Variants in MME observed in about 807,000 individuals in gnomAD.
MME encodes neprilysin.
MME carries 98 observed loss-of-function variants against 113.2 expected under a neutral mutation model. The observed-to-expected ratio is 0.87, with a 90% CI of 0.74 to 1.02. The LOEUF (loss-of-function observed/expected upper bound fraction) is 1.02, where lower values mean the gene tolerates loss of function less well. MME is among the 50% of genes least tolerant of loss of function. The pLI is 0.00. For synonymous variants in MME, 292 were observed against 300.6 expected, an observed-to-expected ratio of 0.97 and a Z score of 0.30; for missense variants, 836 against 896.0, an observed-to-expected ratio of 0.93 and a Z score of 0.86.
At chr3:155,083,324 A>C (rs1715337905) in intron 1 of MME, among the ~76,000 whole-genome samples, 1 of 152,080 alleles carries the variant, frequency 6.6e-6, no homozygotes, top group Non-Finnish European at 1.5e-5. Context: ...TTTTGGTTTA[A>C]AGTTTTTAAC....
At chr3:155,114,608 A>G (rs1385061174) in intron 3 of MME, among the ~76,000 whole-genome samples, 2 of 152,218 alleles carry the variant, frequency 1.3e-5, no homozygotes, top group Admixed American at 6.5e-5. Flanking sequence ...TGAAGAGCAG[A>G]GTTGGCAACT....
chr3:155,117,599 G>GTTTTTTTTTTTTTTTTTTTTT (rs5853715), intron 7 of MME, among the ~76,000 whole-genome samples: 1 of 131,440 alleles, frequency 7.6e-6, no homozygotes, highest in Non-Finnish European at 1.6e-5. Flanking sequence ...TTTTTTTTTT[G>GTTTTTTTTTTTTTTTTTTTTT]TTTTTTTTTT....
At chr3:155,174,274 T>C (rs572187837) in intron 22 of MME, among the ~76,000 whole-genome samples, 100 of 151,988 alleles carry the variant, frequency 6.6e-4, no homozygotes, top group South Asian at 1.9e-3. Context: ...TTATTGTTGT[T>C]CTGGTTCCAA....
chr3:155,142,765 C>T (rs1296205434), intron 12 of MME, among the ~76,000 whole-genome samples: 1 of 151,982 alleles, frequency 6.6e-6, no homozygotes, highest in Non-Finnish European at 1.5e-5. Flanking sequence ...TAAATAAGAC[C>T]TTTTCTTAGC....
chr3:155,139,346 G>A (rs908781892), intron 9 of MME, among the ~76,000 whole-genome samples: 5 of 152,086 alleles, frequency 3.3e-5, no homozygotes, highest in East Asian at 1.9e-4. Context: ...GGCCTTAGAC[G>A]TCTTTGAATC....
At chr3:155,163,012 C>CAAAA (rs57700088) in intron 17 of MME, among the ~76,000 whole-genome samples, 16 of 78,186 alleles carry the variant, frequency 2.0e-4, no homozygotes, top group East Asian at 8.5e-4. Context: ...AACTCTGTCT[C>CAAAA]AAAAAAAAAA....
At chr3:155,042,899 T>TA (rs1233962274) in intron 1 of MME, among the ~76,000 whole-genome samples, 52 of 71,264 alleles carry the variant, frequency 7.3e-4, no homozygotes, top group Middle Eastern at 7.0e-3. Flanking sequence ...AATAGTAGGT[T>TA]TTATATATAT....
intron 5 of MME, 28 bp from the exon 6 acceptor site, chr3:155,116,636 T>C (rs377485516): frequency 1.3e-6 from 2 of 1,581,520 alleles, no homozygotes; most frequent in South Asian, 1.1e-5. Flanking sequence ...AGATTTCTAA[T>C]TGAATTTATG....
At chr3:155,108,950 G>T (rs1258765837) in intron 3 of MME, among the ~76,000 whole-genome samples, 1 of 152,126 alleles carries the variant, frequency 6.6e-6, no homozygotes, top group East Asian at 1.9e-4. Flanking sequence ...GCAGACTTAA[G>T]GTTGCGTCTT....
At chr3:155,136,800 A>T (rs1056275708) in intron 8 of MME, among the ~76,000 whole-genome samples, 3 of 152,160 alleles carry the variant, frequency 2.0e-5, no homozygotes, top group African/African-American at 7.2e-5. Flanking sequence ...TATTCTTAAA[A>T]CTGTGAAAAT....
chr3:155,116,756 T>C lies in MME; in HGVS notation c.532T>C (p.Tyr178His), dbSNP rs2108256400. Residue 178 changes from tyrosine to histidine, a missense_variant, in exon 6 of 23, where the codon TAT (tyrosine) becomes CAT (histidine). Physicochemically the swap from Tyr to His is moderately conservative, Grantham distance 83. Transcript: ENST00000360490. ...PVATENWEQKYGASWTAEKAI... is the reference protein window; with the variant it reads ...PVATENWEQKHGASWTAEKAI... ...AGCAACAGAAAACTGGGAGCAAAAA[T>C]ATGGTAAGGCAATTTTCCTACTAAA... 1 of 1,612,808 alleles carries C rather than the reference T, an allele frequency of 6.2e-7. No homozygotes were observed. The highest frequency in any genetic ancestry group is 8.5e-7 in the Non-Finnish European group (1 of 1,179,180).
intron 3 of MME, chr3:155,090,069 A>G (rs1716153707): frequency 4.1e-6 from 1 of 241,164 alleles, no homozygotes; most frequent in East Asian, 9.1e-5. Context: ...GACGTGATCA[A>G]TACAGTTTAC....
At chr3:155,052,921 A>G (rs1576672050) in intron 1 of MME, among the ~76,000 whole-genome samples, 1 of 152,128 alleles carries the variant, frequency 6.6e-6, no homozygotes, top group Non-Finnish European at 1.5e-5. Context: ...CTTCTGCCAG[A>G]TACTCTAAAT....
intron 2 of MME, 148 bp from the exon 3 acceptor site, chr3:155,084,911 C>T (rs1275586574): frequency 4.2e-6 from 2 of 478,738 alleles, no homozygotes; most frequent in African/African-American, 4.0e-5. Context: ...TTTTTTCTAA[C>T]CACTGACAAT....
chr3:155,039,984 T>G (rs542696172), intron 1 of MME, among the ~76,000 whole-genome samples: 8 of 152,312 alleles, frequency 5.3e-5, no homozygotes, highest in African/African-American at 7.2e-5. Context: ...CAGGGGAATA[T>G]ATCCCTTATG....
intron 16 of MME, among the ~76,000 whole-genome samples, chr3:155,151,810 C>T (rs371646105): frequency 5.9e-5 from 9 of 152,182 alleles, no homozygotes; most frequent in African/African-American, 9.6e-5. Flanking sequence ...TTAAATATTA[C>T]GTAGGAATGG....
At chr3:155,133,062 A>AAATATATATATATATAT (rs1553762419) in intron 8 of MME, among the ~76,000 whole-genome samples, 2 of 75,100 alleles carry the variant, frequency 2.7e-5, no homozygotes, top group Non-Finnish European at 5.2e-5. Context: ...AAAAAAAAAA[A>AAATATATATATATATAT]ATATATATAT....
In MME at chr3:155,166,764, T is replaced by C; in HGVS notation, c.1661-138T>C. 5.6e-6 allele frequency: 6 copies of C among 1,076,302 alleles called. No homozygotes were observed. The South Asian group carries it at 7.8e-5, about 14-fold the overall frequency. 66.7% of individuals were successfully genotyped at this position (1,076,302 alleles called of 1,614,324 possible). The stretch of plus-strand genomic sequence containing the variant: ...GCAAGCACAAAGCCAACCCCAAGCC[T>C]GCCATCACTGAATAATGCCATGGTG... On this transcript the variant is annotated intron_variant, in intron 17 of 22. Coordinates refer to ENST00000360490, the MANE Select transcript of MME (RefSeq NM_007289.4).
chr3:155,119,468 C>A (rs894069922), intron 8 of MME, among the ~76,000 whole-genome samples: 33 of 140,376 alleles, frequency 2.4e-4, no homozygotes, highest in Admixed American at 2.9e-4. Context: ...GCACATTGTG[C>A]AGGTTAGTTA....
Sources: allele counts gnomAD v4.1 joint callset (sites outside exome capture counted in the v4.1 genomes callset), GRCh38; gene constraint gnomAD v4.1.1; transcripts MANE v1.5; gene names NCBI Gene and HGNC (gene_info 2026-07-23, HGNC 2026-07-21).